The following IFTAP variants were observed in gnomAD, a reference collection of about 807,000 sequenced individuals.
IFTAP encodes intraflagellar transport-associated protein.
A neutral mutation model predicts 19.4 loss-of-function variants in IFTAP; 19 were observed. That is an observed-to-expected ratio of 0.98 (90% CI 0.68 to 1.44). The LOEUF (loss-of-function observed/expected upper bound fraction) is 1.44, where lower values mean the gene tolerates loss of function less well. IFTAP is among the 40% of genes most tolerant of loss of function. The pLI, the probability that IFTAP is intolerant of heterozygous loss-of-function variation, is 0.00. For synonymous variants in IFTAP, 85 were observed against 83.5 expected (o/e 1.02, Z -0.10); for missense variants, 240 against 253.6 (o/e 0.95, Z 0.36).
chr11:36,658,924 G>A, intron 5 of IFTAP, 95 bp from the exon 6 acceptor site: 1 of 906,478 alleles, frequency 1.1e-6, no homozygotes. Context: ...TCTGAAAAAA[G>A]GTTTAATTAA....
At chr11:36,601,381 G>T (rs1047078816) in intron 1 of IFTAP, among the ~76,000 whole-genome samples, 1 of 152,184 alleles carries the variant, frequency 6.6e-6, no homozygotes, top group Non-Finnish European at 1.5e-5. Flanking sequence ...ATGATGTATT[G>T]TCAAGAGAAG....
intron 5 of IFTAP, among the ~76,000 whole-genome samples, chr11:36,657,953 A>G (rs760876076): frequency 7.2e-5 from 11 of 152,222 alleles, no homozygotes; most frequent in Non-Finnish European, 1.6e-4. Context: ...AGCGTTTGCT[A>G]TTAGCACTGC....
At chr11:36,653,471 A>G (rs750232929) in intron 5 of IFTAP, among the ~76,000 whole-genome samples, 1 of 152,194 alleles carries the variant, frequency 6.6e-6, no homozygotes, top group Non-Finnish European at 1.5e-5. Context: ...GTTCCATTGC[A>G]CAAAGTCTTT....
At chr11:36,627,557 G>A (rs1157007928) in intron 2 of IFTAP, among the ~76,000 whole-genome samples, 3 of 151,168 alleles carry the variant, frequency 2.0e-5, no homozygotes, top group African/African-American at 2.5e-5. Context: ...AAGGGCTGTG[G>A]TGCAAAAAAG....
intron 5 of IFTAP, among the ~76,000 whole-genome samples, chr11:36,657,456 G>A (rs1291415935): frequency 6.6e-6 from 1 of 152,130 alleles, no homozygotes; most frequent in African/African-American, 2.4e-5. Context: ...AGATAGTCAT[G>A]GTATTACATG....
intron 4 of IFTAP, among the ~76,000 whole-genome samples, chr11:36,640,946 A>T (rs1013913386): frequency 7.2e-5 from 11 of 152,194 alleles, no homozygotes; most frequent in Admixed American, 6.5e-4. Context: ...CAGTACAAAA[A>T]ATTCACTGAC....
chr11:36,633,628 G>A (rs1007458457), intron 3 of IFTAP, among the ~76,000 whole-genome samples, 190 bp downstream of exon 3: 1 of 152,056 alleles, frequency 6.6e-6, no homozygotes, highest in Non-Finnish European at 1.5e-5. Context: ...GACAGCTATT[G>A]TTTATGATGA....
At chr11:36,649,778 T>C (rs985504913) in intron 5 of IFTAP, among the ~76,000 whole-genome samples, 25 of 152,290 alleles carry the variant, frequency 1.6e-4, no homozygotes, top group African/African-American at 6.0e-4. Flanking sequence ...ATGAACAACT[T>C]CTGCTGTTTT....
chr11:36,652,197 T>G (rs1853769382), intron 5 of IFTAP, among the ~76,000 whole-genome samples: 1 of 152,226 alleles, frequency 6.6e-6, no homozygotes, highest in Non-Finnish European at 1.5e-5. Flanking sequence ...TGGAATGGTC[T>G]TCCATTTGTT....
intron 5 of IFTAP, 39 bp downstream of exon 5, chr11:36,648,194 T>G: frequency 1.3e-6 from 2 of 1,589,780 alleles, no homozygotes; most frequent in Non-Finnish European, 1.7e-6. Flanking sequence ...CACACTGCCT[T>G]GATTTTGTAA....
chr11:36,648,150 G>A lies in IFTAP; in HGVS notation c.493G>A (p.Glu165Lys). 1.2e-6 allele frequency: 2 copies of A among 1,612,624 alleles called. No homozygotes were observed. Among genetic ancestry groups the A allele is most frequent in the Non-Finnish European group, 8.5e-7 (1 of 1,179,204 alleles). The change falls in exon 5 of 6, where the codon GAA (glutamate) becomes AAA (lysine). Residue 165 changes from glutamate to lysine, a missense_variant. Transcript: ENST00000334307. ...TGTTAAAAGAATGGACAAACAGACG[G>A]AAGAGGTACTCCACAGGGAATTCAG... is the stretch of plus-strand genomic sequence containing the variant. ...PSVKRMDKQT[E>K]EILGDEVQLF...
chr11:36,653,075 A>G (rs1853815882), intron 5 of IFTAP, among the ~76,000 whole-genome samples: 1 of 152,114 alleles, frequency 6.6e-6, no homozygotes, highest in South Asian at 2.1e-4. Context: ...TGTTTTTCCA[A>G]TTCATAATAG....
At chr11:36,601,860 G>T (rs1273475446) in intron 1 of IFTAP, among the ~76,000 whole-genome samples, 4 of 152,230 alleles carry the variant, frequency 2.6e-5, no homozygotes, top group African/African-American at 9.6e-5. Context: ...CACTATACTG[G>T]CCAGGTGGTC....
chr11:36,636,750 G>A (rs568203905), intron 4 of IFTAP, among the ~76,000 whole-genome samples: 1 of 149,946 alleles, frequency 6.7e-6, no homozygotes, highest in Admixed American at 6.6e-5. Context: ...AAGATATATT[G>A]TAAATGTTTC....
chr11:36,652,433 C>T (rs1231744791), intron 5 of IFTAP, among the ~76,000 whole-genome samples: 1 of 152,186 alleles, frequency 6.6e-6, no homozygotes, highest in Non-Finnish European at 1.5e-5. Context: ...AGTTGCTTAT[C>T]AGCTTAAGGA....
At position 36,624,295 on chromosome 11, in the gene IFTAP, C is replaced by G. The variant is rs1310485148; in HGVS notation, c.137-8989C>G. ...GTAGAATTTTTATCTACTCTATGGC[C>G]AGCCAAAATAAAGATTACATCCTAG... On this transcript the variant is annotated intron_variant, in intron 2 of 5. Coordinates refer to ENST00000334307, the MANE Select transcript of IFTAP (RefSeq NM_138787.4). 2.0e-5 allele frequency among the ~76,000 whole-genome samples: 3 copies of G among 152,098 alleles called. No individual in the cohort carries two copies. The East Asian group carries it at 5.8e-4, about 29-fold the overall frequency.
At chr11:36,647,702 T>G (rs143533420) in intron 4 of IFTAP, among the ~76,000 whole-genome samples, 271 of 152,230 alleles carry the variant, frequency 1.8e-3, no homozygotes, top group Non-Finnish European at 3.2e-3. Context: ...TCACCTTATT[T>G]TCATATAAAA....
intron 2 of IFTAP, among the ~76,000 whole-genome samples, chr11:36,630,695 GC>G (rs1852693975): frequency 6.6e-6 from 1 of 151,316 alleles, no homozygotes; most frequent in East Asian, 1.9e-4. Context: ...ACATTGCTGT[GC>G]TTTTCAAGTA....
In IFTAP at chr11:36,637,920, G is replaced by A. The variant is rs183750968; in HGVS notation, c.358+1803G>A. On this transcript the variant is annotated intron_variant, in intron 4 of 5. Coordinates refer to ENST00000334307, the MANE Select transcript of IFTAP (RefSeq NM_138787.4). ...TTTTGAGATGGAGTCTCACTCTGTC[G>A]CCCAGGCTGGAGTGCAATGGCATGA... 3.6e-4 allele frequency among the ~76,000 whole-genome samples: 53 copies of A among 149,094 alleles called. 1 individual carries two copies. Among genetic ancestry groups the A allele is most frequent in the Non-Finnish European group, 3.1e-4 (21 of 67,632 alleles).
Sources: gnomAD v4.1 joint callset for allele counts (sites outside exome capture counted in the v4.1 genomes callset) on GRCh38, gnomAD v4.1.1 for gene constraint, MANE v1.5 for transcripts, NCBI Gene and HGNC (gene_info 2026-07-23, HGNC 2026-07-21) for gene names.